The following PCNX3 variants were observed in gnomAD, a reference collection of about 807,000 sequenced individuals.
The protein encoded by PCNX3 is pecanex 3.
A neutral mutation model predicts 207.2 loss-of-function variants in PCNX3; 58 were observed. That is an observed-to-expected ratio of 0.28 (90% confidence interval 0.23 to 0.35). The LOEUF (loss-of-function observed/expected upper bound fraction) is 0.35, where lower values mean the gene tolerates loss of function less well. Among genes scored for constraint, PCNX3 ranks in the 10% least tolerant of loss-of-function variants. The probability of loss-of-function intolerance (pLI) is 1.00; values close to 1 mark genes in which losing one functional copy is unlikely to be tolerated. For synonymous variants in PCNX3, 1,337 were observed against 1,183.5 expected, an observed-to-expected ratio of 1.13 and a Z score of -2.66; for missense variants, 2,410 against 2,774.4, an observed-to-expected ratio of 0.87 and a Z score of 2.95.
Position 65,625,076 on chromosome 11 carries a change from C to T in PCNX3, c.2919+60C>T. On this transcript the variant is annotated intron_variant, in intron 16 of 34. Coordinates refer to ENST00000355703, the MANE Select transcript of PCNX3 (RefSeq NM_032223.4). The surrounding 1 kb of genome is among the most constrained non-coding windows in gnomAD (Gnocchi z 5.6). ...GTGCGTAAGGGTGGTTGGGGCGGGG[C>T]TGTGAACTGGGCTCAGCAGTGGCTT... is the stretch of plus-strand genomic sequence containing the variant. The T allele has an allele frequency of 2.5e-6, 4 of 1,569,428 alleles. No individual in the cohort carries two copies. The highest frequency in any genetic ancestry group is 3.5e-5 in the Admixed American group (2 of 56,750).
chr11:65,618,954 T>C lies in PCNX3; in HGVS notation c.1592T>C (p.Val531Ala). Residue 531 changes from valine (V) to alanine (A), a missense_variant, in exon 6 of 35, where the codon GTG (valine) becomes GCG (alanine). By Grantham distance (64) the Val-to-Ala change is moderately conservative (BLOSUM62 0). Around this residue, in one of 8 missense-constraint regions of PCNX3, gnomAD observed 1,104 missense variants for 970.3 expected, o/e 1.14. Coordinates refer to ENST00000355703, the MANE Select transcript of PCNX3 (RefSeq NM_032223.4). ...GCAGAGCTGGAGGCCCAGGTTGGGG[T>C]GGAGCAGGCTGCTAGTGAGCCTGTT... is the stretch of plus-strand genomic sequence containing the variant. ...CKAELEAQVG[V>A]EQAASEPVVL... is the part of the protein sequence containing the mutation. 1 of 1,603,584 alleles carries C rather than the reference T, an allele frequency of 6.2e-7. No homozygotes were observed. Among genetic ancestry groups the C allele is most frequent in the Admixed American group, 1.7e-5 (1 of 59,032 alleles).
At position 65,637,041 on chromosome 11, in the gene PCNX3, C is replaced by T. The variant is rs1855880442; in HGVS notation, c.*63C>T. 4 of 1,492,412 alleles carry T rather than the reference C, an allele frequency of 2.7e-6. No homozygotes were observed. The highest frequency in any genetic ancestry group is 3.6e-6 in the Non-Finnish European group (4 of 1,110,618). The allele number at this position is 1,492,412 out of a possible 1,614,324, so 92.4% of individuals were successfully genotyped here. ...GTAACGGACCTGCTCTGCTGCCTCT[C>T]TGCTGGACCACAGAACTGAGTGGCT... On this transcript the variant is annotated 3_prime_UTR_variant, in exon 35 of 35. Transcript: ENST00000355703.
intron 25 of PCNX3, 36 bp from the exon 26 acceptor site, chr11:65,629,484 C>T: frequency 6.2e-7 from 1 of 1,612,138 alleles, no homozygotes; most frequent in Non-Finnish European, 8.5e-7. Context: ...GCTAACTTGT[C>T]ACTTTGTCCA....
At chr11:65,617,166 AAAAG>A (rs1401215309) in intron 2 of PCNX3, 80 bp from the exon 3 acceptor site, 2 of 1,438,916 alleles carry the variant, frequency 1.4e-6, no homozygotes, top group Non-Finnish European at 1.9e-6. Context: ...TGACTTCTGA[AAAAG>A]AAGCAGTGAC....
Position 65,619,026 on chromosome 11 carries a change from G to C in PCNX3, c.1664G>C (p.Gly555Ala). Reference sequence around the variant, plus strand: ...AGGGGACCCGCTGCCAACCAGCCCGGCTGGCGGGGGGAGCTGCAGGAGGAA... The same window carrying C: ...AGGGGACCCGCTGCCAACCAGCCCGCCTGGCGGGGGGAGCTGCAGGAGGAA... ...ARRGPAANQP[G>A]WRGELQEEGA... Residue 555 changes from glycine to alanine, a missense_variant, in exon 6 of 35, where the codon GGC becomes GCC. Around this residue, in one of 8 missense-constraint regions of PCNX3, gnomAD observed 1,104 missense variants for 970.3 expected, o/e 1.14. Coordinates refer to ENST00000355703, the MANE Select transcript of PCNX3 (RefSeq NM_032223.4). 1 of 1,594,402 alleles carries C rather than the reference G, an allele frequency of 6.3e-7. No individual in the cohort carries two copies. Among genetic ancestry groups the C allele is most frequent in the Non-Finnish European group, 8.5e-7 (1 of 1,177,868 alleles).
chr11:65,636,243 C>T lies in PCNX3; in HGVS notation c.5529C>T (p.Gly1843=), dbSNP rs1190480016. The T allele has an allele frequency of 5.0e-6, 8 of 1,584,512 alleles. No homozygotes were observed. The highest frequency in any genetic ancestry group is 2.3e-5 in the East Asian group (1 of 43,292). Residue 1843 remains glycine, a synonymous_variant, in exon 33 of 35, where the codon GGC becomes GGT. Coordinates refer to ENST00000355703, the MANE Select transcript of PCNX3 (RefSeq NM_032223.4). ...GNVDDSDCSG[G]GGLTSLSNNP... is the part of the protein sequence containing the mutation. The stretch of plus-strand genomic sequence containing the variant: ...TGGATGATTCAGACTGTAGTGGGGG[C>T]GGTGGCCTGACCTCCCTCAGCAATA...
At chr11:65,627,372 A>T in intron 21 of PCNX3, 33 bp from the exon 22 acceptor site, 2 of 1,597,528 alleles carry the variant, frequency 1.3e-6, no homozygotes, top group Non-Finnish European at 1.7e-6. Flanking sequence ...CCGGTCCCCT[A>T]CCAAGCACCC....
Position 65,619,881 on chromosome 11 carries a change from A to G in PCNX3, c.1957A>G (p.Thr653Ala), listed in dbSNP as rs781417128. The change falls in exon 8 of 35, where the codon ACC becomes GCC. Residue 653 changes from threonine (T) to alanine (A), a missense_variant. This residue lies in a region of PCNX3 where 1,104 missense variants were observed against 970.3 expected (regional missense o/e 1.14). Coordinates refer to ENST00000355703, the MANE Select transcript of PCNX3 (RefSeq NM_032223.4). ...CGGTGCCAATGTGCATGAGGCCTGC[A>G]CCTTTGATGACACTTCTGAGGGTGC... is the stretch of plus-strand genomic sequence containing the variant. ...RAGANVHEACTFDDTSEGAVH... is the reference protein window; with the variant it reads ...RAGANVHEACAFDDTSEGAVH... 1.1e-5 allele frequency: 17 copies of G among 1,611,610 alleles called. No individual in the cohort carries two copies. The highest frequency in any genetic ancestry group is 1.7e-5 in the Admixed American group (1 of 59,948).
rs773805516 is a variant in PCNX3 at position 65,636,775 on chromosome 11, G to A, written c.5902G>A (p.Asp1968Asn). 11 of 1,546,690 alleles carry A rather than the reference G, an allele frequency of 7.1e-6. No individual in the cohort carries two copies. The South Asian group carries it at 1.3e-4, about 18-fold the overall frequency. Residue 1968 changes from aspartate (D) to asparagine (N), a missense_variant, in exon 35 of 35, where the codon GAC (aspartate) becomes AAC (asparagine). By Grantham distance (23) the Asp-to-Asn change is conservative. Transcript: ENST00000355703. Reference sequence around the variant, plus strand: ...CTCCCCCCTCCCCCAGGCGCCTCTAGACCTCAGCCTCAGCCTCAGCCTCAG... The same window carrying A: ...CTCCCCCCTCCCCCAGGCGCCTCTAAACCTCAGCCTCAGCCTCAGCCTCAG... ...GGTPKSQAPL[D>N]LSLSLSLSLS...
At chr11:65,619,148 C>T in intron 6 of PCNX3, 81 bp downstream of exon 6, 2 of 1,159,020 alleles carry the variant, frequency 1.7e-6, no homozygotes, top group South Asian at 1.4e-5. Flanking sequence ...TAAGAATGGA[C>T]CTGGTCAGTG....
Position 65,619,035 on chromosome 11 carries a change from G to A in PCNX3, c.1673G>A (p.Gly558Glu). Reference protein sequence around the residue: ...GPAANQPGWRGELQEEGAVGG... With the variant: ...GPAANQPGWREELQEEGAVGG... ...GCTGCCAACCAGCCCGGCTGGCGGG[G>A]GGAGCTGCAGGAGGAAGGTGCTGTG... The change falls in exon 6 of 35, where the codon GGG becomes GAG. Residue 558 changes from glycine to glutamate, a missense_variant. Transcript: ENST00000355703. 1 of 1,593,158 alleles carries A rather than the reference G, an allele frequency of 6.3e-7. No homozygotes were observed. Among genetic ancestry groups the A allele is most frequent in the South Asian group, 1.1e-5 (1 of 90,108 alleles).
At position 65,629,668 on chromosome 11, in the gene PCNX3, C is replaced by T; in HGVS notation, c.4149C>T (p.Ala1383=). The T allele has an allele frequency of 6.3e-7, 1 of 1,578,554 alleles. No homozygotes were observed. Among genetic ancestry groups the T allele is most frequent in the Non-Finnish European group, 8.6e-7 (1 of 1,162,350 alleles). ...CFVLASDYLN[A]LVHLIEVGNG... ...TCCTGGCCTCTGACTACCTCAACGC[C>T]CTGGTGCACCTCATCGAGGTTGGCA... Residue 1383 remains alanine (A), a synonymous_variant, in exon 26 of 35, where the codon GCC becomes GCT. Transcript: ENST00000355703.
intron 9 of PCNX3, 58 bp downstream of exon 9, chr11:65,620,487 A>G (rs1380218813): frequency 2.6e-6 from 4 of 1,567,562 alleles, no homozygotes; most frequent in African/African-American, 2.7e-5. Flanking sequence ...ATCTCTGGGA[A>G]GTTCCCTGAG....
Position 65,619,035 on chromosome 11 carries a change from G to T in PCNX3, c.1673G>T (p.Gly558Val). 1 of 1,593,158 alleles carries T rather than the reference G, an allele frequency of 6.3e-7. No homozygotes were observed. The highest frequency in any genetic ancestry group is 8.5e-7 in the Non-Finnish European group (1 of 1,177,542). ...GPAANQPGWR[G>V]ELQEEGAVGG... ...GCTGCCAACCAGCCCGGCTGGCGGG[G>T]GGAGCTGCAGGAGGAAGGTGCTGTG... is the stretch of plus-strand genomic sequence containing the variant. The change falls in exon 6 of 35, where the codon GGG (glycine) becomes GTG (valine). Residue 558 changes from glycine to valine, a missense_variant. Physicochemically the swap from Gly to Val is moderately radical, Grantham distance 109 (BLOSUM62 -3). This residue lies in a region of PCNX3 where 1,104 missense variants were observed against 970.3 expected (regional missense o/e 1.14). Transcript: ENST00000355703.
At chr11:65,627,670 G>A in intron 22 of PCNX3, 88 bp downstream of exon 22, 1 of 1,489,174 alleles carries the variant, frequency 6.7e-7, no homozygotes, top group Non-Finnish European at 9.2e-7. Context: ...TTTCCTGAGG[G>A]CCTGTGGCCA....
rs199636567 is a variant in PCNX3 at position 65,636,909 on chromosome 11, C to T, written c.6036C>T (p.Gly2012=). 43 of 1,557,700 alleles carry T rather than the reference C, an allele frequency of 2.8e-5. No homozygotes were observed. The East Asian group carries it at 5.3e-4, about 19-fold the overall frequency. ...PESGTPMGAL[G]DWPAPIEERE... ...GTGGCACACCTATGGGTGCCCTGGG[C>T]GACTGGCCTGCCCCTATTGAGGAGC... The change falls in exon 35 of 35, where the codon GGC becomes GGT. Residue 2012 remains glycine (G), a synonymous_variant. Coordinates refer to ENST00000355703, the MANE Select transcript of PCNX3 (RefSeq NM_032223.4).
At chr11:65,622,390 C>T in intron 11 of PCNX3, 24 bp downstream of exon 11, 1 of 1,582,408 alleles carries the variant, frequency 6.3e-7, no homozygotes, top group Non-Finnish European at 8.6e-7. Flanking sequence ...AGCCTTGGCC[C>T]CCAATTCTTG....
chr11:65,625,527 T>C lies in PCNX3; in HGVS notation c.3135+17T>C. On this transcript the variant is annotated intron_variant, in intron 18 of 34. Transcript: ENST00000355703. The surrounding 1 kb of genome is among the most constrained non-coding windows in gnomAD (Gnocchi z 5.6). ...CAGTCGGTGGTGAGGGGGCGGGGGGTGGGGGTCTGTGGGGAGGTGGTGACA... is the reference window on the plus strand; with the variant it reads ...CAGTCGGTGGTGAGGGGGCGGGGGGCGGGGGTCTGTGGGGAGGTGGTGACA... 1.1e-6 allele frequency: 1 copy of C among 911,400 alleles called. No homozygotes were observed. Among genetic ancestry groups the C allele is most frequent in the Non-Finnish European group, 1.6e-6 (1 of 633,348 alleles). The allele number at this position is 911,400 out of a possible 1,614,324, so 56.5% of individuals were successfully genotyped here.
chr11:65,636,878 C>T lies in PCNX3; in HGVS notation c.6005C>T (p.Pro2002Leu), dbSNP rs1287183492. The T allele has an allele frequency of 2.6e-6, 4 of 1,552,516 alleles. No homozygotes were observed. The highest frequency in any genetic ancestry group is 2.0e-5 in the Admixed American group (1 of 51,094). ...QDIPCLDSSA[P>L]ESGTPMGALG... ...ATTCCTTGCTTGGACAGCAGTGCCC[C>T]TGAGAGTGGCACACCTATGGGTGCC... The change falls in exon 35 of 35, where the codon CCT becomes CTT. Residue 2002 changes from proline to leucine, a missense_variant. Coordinates refer to ENST00000355703, the MANE Select transcript of PCNX3 (RefSeq NM_032223.4).
Sources: gnomAD v4.1 joint callset for allele counts on GRCh38, gnomAD v4.1.1 for gene constraint, gnomAD v4.1.1 regional missense constraint, Gnocchi (gnomAD v3.1) non-coding constraint, MANE v1.5 for transcripts, NCBI Gene and HGNC (gene_info 2026-07-23, HGNC 2026-07-21) for gene names.